Variants in ZNF331 observed in about 807,000 individuals in gnomAD.
The protein encoded by ZNF331 is zinc finger protein 331.
A neutral mutation model predicts 7.0 loss-of-function variants in ZNF331; 2 were observed. The observed-to-expected ratio is 0.29, with a 90% confidence interval of 0.12 to 0.90. The LOEUF (loss-of-function observed/expected upper bound fraction) is 0.90, where lower values mean the gene tolerates loss of function less well. Ranked by LOEUF, ZNF331 falls within the 40% of genes least tolerant of loss-of-function variation. The pLI, the probability that ZNF331 is intolerant of heterozygous loss-of-function variation, is 0.58. For missense variants in ZNF331, 432 were observed against 587.7 expected, an observed-to-expected ratio of 0.74 and a Z score of 2.74; for synonymous variants, 196 against 205.4, an observed-to-expected ratio of 0.95 and a Z score of 0.39.
upstream of ZNF331, chr19:53,537,458 C>T (rs1272915306): frequency 1.3e-5 from 2 of 152,358 alleles, no homozygotes; most frequent in African/African-American, 4.8e-5. Context: ...CATCACCCCA[C>T]TCAAGAGGCC....
At chr19:53,506,986 T>C in the ZNF331 span, among the ~76,000 whole-genome samples, 5 of 151,910 alleles carry the variant, frequency 3.3e-5, no homozygotes, top group Non-Finnish European at 7.4e-5. Context: ...GTGAGAGGAG[T>C]TGCTCTCAAT....
upstream of ZNF331, among the ~76,000 whole-genome samples, chr19:53,535,697 C>G (rs1188224129): frequency 6.6e-6 from 1 of 151,930 alleles, no homozygotes; most frequent in East Asian, 1.9e-4. Flanking sequence ...CAAATATGGA[C>G]TTTGGAAATA....
chr19:53,564,912 C>T (rs1334560351), intron 3 of ZNF331, among the ~76,000 whole-genome samples: 3 of 152,152 alleles, frequency 2.0e-5, no homozygotes, highest in Admixed American at 2.0e-4. Flanking sequence ...CTACATTTAT[C>T]TCAGTTTAAA....
In ZNF331 at chr19:53,556,227, A is replaced by G. The variant is rs902619127; in HGVS notation, c.-74+319A>G. Among the ~76,000 whole-genome samples, 77 of 139,254 alleles carry G rather than the reference A, an allele frequency of 5.5e-4. 1 individual carries two copies. The East Asian group carries it at 8.3e-3, about 15-fold the overall frequency. The allele number at this position is 139,254 out of a possible 152,430, so 91.4% of individuals were successfully genotyped here. A position where few individuals can be genotyped will look rare whatever the true frequency, so the allele number is the denominator to read the frequency against. On this transcript the variant is annotated intron_variant, in intron 3 of 5. Transcript: ENST00000449416. ...CGCTTCACTCCAGCCTGGGCAACAC[A>G]GCGAGACTCCATCTCAAAAAAAAAA...
chr19:53,566,728 C>T (rs778637398), intron 3 of ZNF331, among the ~76,000 whole-genome samples: 5 of 152,166 alleles, frequency 3.3e-5, no homozygotes, highest in Non-Finnish European at 5.9e-5. Flanking sequence ...GGTTTTCAGA[C>T]GCCATGGGCC....
intron 2 of ZNF331, among the ~76,000 whole-genome samples, chr19:53,553,049 C>A (rs1438111237): frequency 6.6e-6 from 1 of 152,222 alleles, no homozygotes; most frequent in Admixed American, 6.5e-5. Context: ...CATACCCTTT[C>A]AAACCTACCT....
rs149017668 is a variant in ZNF331, at chr19:53,547,241, T to A, written c.-138+7959T>A. Among the ~76,000 whole-genome samples the A allele has an allele frequency of 4.1e-4, 62 of 152,332 alleles. 2 individuals carry two copies. The East Asian group carries it at 5.8e-3, about 14-fold the overall frequency. ...AGGCCCTGACGACCACCTCTCTTCT[T>A]CTGTGAGTTGGATTTTTTTTACACT... is the stretch of plus-strand genomic sequence containing the variant. On this transcript the variant is annotated intron_variant, in intron 2 of 5. Coordinates refer to ENST00000449416, the MANE Select transcript of ZNF331 (RefSeq NM_001079906.2).
chr19:53,509,813 A>T, the ZNF331 span, among the ~76,000 whole-genome samples: 1 of 152,210 alleles, frequency 6.6e-6, no homozygotes, highest in African/African-American at 2.4e-5. Context: ...CGGGTAATTT[A>T]TACAGAAAAG....
chr19:53,519,855 G>A (rs959415032), upstream of ZNF331, among the ~76,000 whole-genome samples: 1 of 152,154 alleles, frequency 6.6e-6, no homozygotes, highest in Non-Finnish European at 1.5e-5. Context: ...GGAAAGGGCA[G>A]TGCTGAAACG....
rs1568552294 is a variant in ZNF331, at chr19:53,576,963, G to C, written c.403G>C (p.Asp135His). The change falls in exon 6 of 6, where the codon GAC becomes CAC. Residue 135 changes from aspartate (D) to histidine (H), a missense_variant. Around this residue, in one of 3 missense-constraint regions of ZNF331, gnomAD observed 312 missense variants for 448.6 expected, o/e 0.70. Coordinates refer to ENST00000449416, the MANE Select transcript of ZNF331 (RefSeq NM_001079906.2). The part of the protein sequence containing the change: ...HHKENSFECK[D>H]CGKAFSRGYQ... Reference sequence around the variant, plus strand: ...TAAGGAGAATTCCTTTGAATGTAAGGACTGTGGGAAGGCCTTTAGTCGTGG... The same window carrying C: ...TAAGGAGAATTCCTTTGAATGTAAGCACTGTGGGAAGGCCTTTAGTCGTGG... 6.2e-7 allele frequency: 1 copy of C among 1,614,212 alleles called. No individual in the cohort carries two copies. The highest frequency in any genetic ancestry group is 2.2e-5 in the East Asian group (1 of 44,888).
chr19:53,565,510 T>C (rs1410322329), intron 3 of ZNF331, among the ~76,000 whole-genome samples: 1 of 151,948 alleles, frequency 6.6e-6, no homozygotes, highest in Non-Finnish European at 1.5e-5. Flanking sequence ...TTTTTTGTCC[T>C]TTATCCTTTT....
the ZNF331 span, among the ~76,000 whole-genome samples, chr19:53,514,054 A>C: frequency 6.6e-6 from 1 of 152,354 alleles, no homozygotes; most frequent in African/African-American, 2.4e-5. Flanking sequence ...TCATGCCCCA[A>C]TATCACTAAG....
the ZNF331 span, among the ~76,000 whole-genome samples, chr19:53,507,550 T>C: frequency 6.6e-6 from 1 of 152,308 alleles, no homozygotes; most frequent in South Asian, 2.1e-4. Flanking sequence ...TATGGCATTA[T>C]GGGGTCCCAA....
intron 2 of ZNF331, among the ~76,000 whole-genome samples, chr19:53,541,150 CAGG>C (rs1400403835): frequency 6.8e-6 from 1 of 147,740 alleles, no homozygotes; most frequent in Non-Finnish European, 1.5e-5. Context: ...TCTTGTTGCC[CAGG>C]CTGGAGTGCA....
At chr19:53,562,175 T>G (rs1248744726) in intron 3 of ZNF331, among the ~76,000 whole-genome samples, 2 of 151,124 alleles carry the variant, frequency 1.3e-5, no homozygotes, top group Non-Finnish European at 3.0e-5. Context: ...AGCTAGAGAT[T>G]CTAGAATTGT....
At position 53,570,574 on chromosome 19, in the gene ZNF331, C is replaced by T. The variant is rs577344373; in HGVS notation, c.10-1030C>T. The stretch of plus-strand genomic sequence containing the variant: ...TGGGACGGAGTTTCACTCTTGTTGC[C>T]CAGGCTGGAGTGCAGTGGTGCCATC... On this transcript the variant is annotated intron_variant, in intron 4 of 5. Coordinates refer to ENST00000449416, the MANE Select transcript of ZNF331 (RefSeq NM_001079906.2). Among the ~76,000 whole-genome samples, 7 of 152,130 alleles carry T rather than the reference C, an allele frequency of 4.6e-5. No individual in the cohort carries two copies. The East Asian group carries it at 1.4e-3, about 30-fold the overall frequency.
At chr19:53,537,209 A>G (rs1442695347), upstream of ZNF331, 2 of 152,378 alleles carry the variant, frequency 1.3e-5, no homozygotes, top group African/African-American at 4.8e-5. Flanking sequence ...TTTTGAGTCA[A>G]AATGAGACTG....
At chr19:53,528,298 C>T (rs1269830143) in intron 2 of ZNF331, among the ~76,000 whole-genome samples, 2 of 152,106 alleles carry the variant, frequency 1.3e-5, no homozygotes, top group South Asian at 2.1e-4. Flanking sequence ...AGTTAGCATT[C>T]ATGATATTGA....
rs754473892 is a variant in ZNF331, at chr19:53,569,340, C to A, written c.-37C>A. On this transcript the variant is annotated 5_prime_UTR_variant, in exon 4 of 6. Coordinates refer to ENST00000449416, the MANE Select transcript of ZNF331 (RefSeq NM_001079906.2). ...CGGAATTTGTCTTCTTCAGTGGAAA[C>A]CCCGAGAAGACTGATCAGTTCTTCA... is the stretch of plus-strand genomic sequence containing the variant. 12 of 1,612,394 alleles carry A rather than the reference C, an allele frequency of 7.4e-6. No homozygotes were observed. The highest frequency in any genetic ancestry group is 1.0e-5 in the Non-Finnish European group (12 of 1,179,038).
Sources: allele counts gnomAD v4.1 joint callset (sites outside exome capture counted in the v4.1 genomes callset), GRCh38; gene constraint gnomAD v4.1.1; regional missense constraint gnomAD v4.1.1; transcripts MANE v1.5; gene names NCBI Gene and HGNC (gene_info 2026-07-23, HGNC 2026-07-21).